Variants in NLGN1 observed in about 807,000 individuals in gnomAD.
The protein encoded by NLGN1 is neuroligin-1.
A neutral mutation model predicts 65.5 loss-of-function variants in NLGN1; 12 were observed. The ratio of observed to expected loss-of-function variants is 0.18; its 90% CI spans 0.12 to 0.30. The LOEUF is 0.30. Ranked by LOEUF, NLGN1 falls within the 10% of genes least tolerant of loss-of-function variation. NLGN1 has a pLI of 1.00. For synonymous variants in NLGN1, 350 were observed against 359.5 expected, an observed-to-expected ratio of 0.97 and a Z score of 0.30; for missense variants, 750 against 1,007.1, an observed-to-expected ratio of 0.74 and a Z score of 3.46.
At chr3:173,551,851 T>C (rs545418154) in intron 2 of NLGN1, among the ~76,000 whole-genome samples, 2 of 152,356 alleles carry the variant, frequency 1.3e-5, no homozygotes, top group African/African-American at 4.8e-5. Flanking sequence ...TTCAGAATTC[T>C]GTAAGCCTGG....
intron 4 of NLGN1, among the ~76,000 whole-genome samples, chr3:174,186,298 G>A (rs1731389866): frequency 6.6e-6 from 1 of 151,926 alleles, no homozygotes; most frequent in African/African-American, 2.4e-5. Flanking sequence ...ATTGCTTTTA[G>A]CTTTAAATTT....
intron 4 of NLGN1, among the ~76,000 whole-genome samples, chr3:174,176,759 T>C (rs1179548746): frequency 1.3e-5 from 2 of 152,064 alleles, no homozygotes; most frequent in African/African-American, 4.8e-5. Flanking sequence ...TTAAATACAA[T>C]TGCATGTATG....
intron 1 of NLGN1, among the ~76,000 whole-genome samples, chr3:173,417,290 A>G (rs897721733): frequency 6.6e-6 from 1 of 151,972 alleles, no homozygotes. Flanking sequence ...TTTTCTGATT[A>G]TCTTTTTTAA....
rs1291711244 is a variant in NLGN1 at position 174,114,962 on chromosome 3, T to C, written c.647-160353T>C. Among the ~76,000 whole-genome samples the C allele has an allele frequency of 3.3e-5, 5 of 152,110 alleles. No homozygotes were observed. The East Asian group carries it at 7.7e-4, about 23-fold the overall frequency. ...ACAGAGTAATTTGCTTAAGAGTATA[T>C]AGCCAATAAGGAGCAGCAATTGGAT... On this transcript the variant is annotated intron_variant, in intron 4 of 6. Coordinates refer to ENST00000457714, the Ensembl canonical transcript of NLGN1.
intron 4 of NLGN1, among the ~76,000 whole-genome samples, chr3:173,877,498 A>T (rs568057517): frequency 6.6e-6 from 1 of 152,248 alleles, no homozygotes; most frequent in South Asian, 2.1e-4. Context: ...AAAAAAGTGA[A>T]AAAAACCCTG....
At chr3:173,563,256 A>G (rs1233369591) in intron 2 of NLGN1, among the ~76,000 whole-genome samples, 1 of 152,232 alleles carries the variant, frequency 6.6e-6, no homozygotes, top group African/African-American at 2.4e-5. Flanking sequence ...TGCTCATAGT[A>G]TTTTTACATA....
chr3:174,178,112 T>C (rs1014531697), intron 4 of NLGN1, among the ~76,000 whole-genome samples: 1 of 152,064 alleles, frequency 6.6e-6, no homozygotes. Flanking sequence ...CAGTAGGAAG[T>C]TCATGACAAA....
At chr3:174,106,278 G>GTA (rs1713777400) in intron 4 of NLGN1, among the ~76,000 whole-genome samples, 1 of 151,826 alleles carries the variant, frequency 6.6e-6, no homozygotes, top group East Asian at 1.9e-4. Flanking sequence ...ATTATGCCTG[G>GTA]TATATATATA....
intron 3 of NLGN1, among the ~76,000 whole-genome samples, chr3:173,750,742 T>C (rs1776202248): frequency 6.6e-6 from 1 of 152,222 alleles, no homozygotes; most frequent in South Asian, 2.1e-4. Flanking sequence ...TCTCTGTCAT[T>C]AATTCTTTAG....
chr3:174,097,146 A>G (rs1357444365), intron 4 of NLGN1, among the ~76,000 whole-genome samples: 7 of 152,172 alleles, frequency 4.6e-5, no homozygotes, highest in Non-Finnish European at 1.0e-4. Context: ...AATGATTATA[A>G]TTATCCAATA....
chr3:173,754,703 A>G (rs1218304572), intron 3 of NLGN1, among the ~76,000 whole-genome samples: 2 of 152,168 alleles, frequency 1.3e-5, no homozygotes, highest in African/African-American at 2.4e-5. Context: ...GCAGAAAAAT[A>G]AATATTCAAA....
intron 2 of NLGN1, among the ~76,000 whole-genome samples, chr3:173,452,242 C>T (rs1721706401): frequency 6.6e-6 from 1 of 151,230 alleles, no homozygotes; most frequent in Admixed American, 6.6e-5. Flanking sequence ...GTTGCCCAGG[C>T]TGGAGTGCAG....
intron 4 of NLGN1, among the ~76,000 whole-genome samples, chr3:173,815,748 A>G (rs1718911278): frequency 6.6e-6 from 1 of 152,112 alleles, no homozygotes; most frequent in East Asian, 1.9e-4. Flanking sequence ...TCTCTATGGA[A>G]GTGACTTTTC....
intron 3 of NLGN1, among the ~76,000 whole-genome samples, chr3:173,677,753 G>A (rs748511553): frequency 3.3e-5 from 5 of 152,204 alleles, no homozygotes; most frequent in Non-Finnish European, 7.4e-5. Context: ...ACTAGTCACT[G>A]TGGCTAAGGA....
At chr3:174,070,360 C>T (rs868695225) in intron 4 of NLGN1, among the ~76,000 whole-genome samples, 2 of 149,916 alleles carry the variant, frequency 1.3e-5, no homozygotes, top group South Asian at 4.2e-4. Flanking sequence ...GAAATGGAGT[C>T]TCGCTCTGTC....
At chr3:173,488,650 G>A (rs1560325494) in intron 2 of NLGN1, among the ~76,000 whole-genome samples, 1 of 151,936 alleles carries the variant, frequency 6.6e-6, no homozygotes, top group Non-Finnish European at 1.5e-5. Flanking sequence ...CTGGTATTGT[G>A]TTCTTGGTAT....
intron 4 of NLGN1, among the ~76,000 whole-genome samples, chr3:174,230,848 T>G (rs1481944364): frequency 1.3e-5 from 2 of 152,224 alleles, no homozygotes; most frequent in African/African-American, 4.8e-5. Flanking sequence ...TATCCTCTCA[T>G]TACATACTAT....
chr3:173,708,480 C>T (rs183569903), intron 3 of NLGN1, among the ~76,000 whole-genome samples: 378 of 152,236 alleles, frequency 2.5e-3, no homozygotes, highest in Middle Eastern at 6.8e-3. Flanking sequence ...GGTCTAGGGA[C>T]GCACACTAGT....
At chr3:173,651,838 G>A (rs903447204) in intron 3 of NLGN1, among the ~76,000 whole-genome samples, 6 of 151,980 alleles carry the variant, frequency 3.9e-5, no homozygotes, top group African/African-American at 1.2e-4. Flanking sequence ...TGTCACCCAG[G>A]CTGGAGTGCA....
Sources: gnomAD v4.1 joint callset for allele counts (sites outside exome capture counted in the v4.1 genomes callset) on GRCh38, gnomAD v4.1.1 for gene constraint, MANE v1.5 for transcripts, NCBI Gene and HGNC (gene_info 2026-07-23, HGNC 2026-07-21) for gene names.